The following WEE2 variants were observed in gnomAD, a reference collection of about 807,000 sequenced individuals.
WEE2 encodes the protein wee1-like protein kinase 2.
Under a neutral mutation model 60.1 loss-of-function variants are expected in WEE2, and 50 were observed. The observed-to-expected ratio is 0.83, with a 90% CI of 0.66 to 1.05. WEE2 has a LOEUF of 1.05. WEE2 is among the 50% of genes least tolerant of loss of function. The pLI is 0.00. For missense variants in WEE2, 631 were observed against 684.3 expected (o/e 0.92, Z 0.87); for synonymous variants, 240 against 241.0 (o/e 1.00, Z 0.04).
chr7:141,710,368 T>G (rs756907299), intron 1 of WEE2, among the ~76,000 whole-genome samples: 1 of 152,178 alleles, frequency 6.6e-6, no homozygotes, highest in Non-Finnish European at 1.5e-5. Flanking sequence ...GAGAATGGGC[T>G]GAGAGAATGT....
intron 5 of WEE2, among the ~76,000 whole-genome samples, chr7:141,722,494 T>A (rs1443692592): frequency 6.6e-6 from 1 of 152,226 alleles, no homozygotes; most frequent in Admixed American, 6.5e-5. Flanking sequence ...ATTTAATTGA[T>A]AACAATAAAT....
chr7:141,726,516 G>A (rs1026737079), intron 9 of WEE2, among the ~76,000 whole-genome samples: 2 of 152,118 alleles, frequency 1.3e-5, no homozygotes, highest in Non-Finnish European at 2.9e-5. Context: ...CCTGAAAGGA[G>A]GCAAACTCTT....
At chr7:141,727,479 A>G in intron 10 of WEE2, 33 bp downstream of exon 10, 1 of 1,611,706 alleles carries the variant, frequency 6.2e-7, no homozygotes, top group South Asian at 1.1e-5. Context: ...GTCAAGAAAG[A>G]ATCTGAGCAC....
rs1798765182 is a variant in WEE2 at position 141,714,513 on chromosome 7, A to G, written c.539+108A>G. 10 of 854,916 alleles carry G rather than the reference A, an allele frequency of 1.2e-5. No homozygotes were observed. The Admixed American group carries it at 1.4e-4, about 12-fold the overall frequency. 53.0% of individuals were successfully genotyped at this position (854,916 alleles called of 1,614,324 possible). A position where few individuals can be genotyped will look rare whatever the true frequency, so the allele number is the denominator to read the frequency against. Reference sequence around the variant, plus strand: ...GGAACGAGAACTCTATTTGAATGAAATGTATATGCTTACATATTCTCCCCT... The same window carrying G: ...GGAACGAGAACTCTATTTGAATGAAGTGTATATGCTTACATATTCTCCCCT... On this transcript the variant is annotated intron_variant, in intron 2 of 11. Coordinates refer to ENST00000397541, the MANE Select transcript of WEE2 (RefSeq NM_001105558.1).
chr7:141,714,314 T>C lies in WEE2; in HGVS notation c.448T>C (p.Leu150=), dbSNP rs773095820. ...PAPLKDEMTS[L]ALVNINPFTP... ...TCCCCTCAAGGATGAGATGACCTCA[T>C]TGGCTCTGGTCAATATTAATCCCTT... is the stretch of plus-strand genomic sequence containing the variant. Residue 150 remains leucine, a synonymous_variant, in exon 2 of 12, where the codon TTG becomes CTG. Coordinates refer to ENST00000397541, the MANE Select transcript of WEE2 (RefSeq NM_001105558.1). 7 of 1,613,958 alleles carry C rather than the reference T, an allele frequency of 4.3e-6. No homozygotes were observed. Among genetic ancestry groups the C allele is most frequent in the South Asian group, 3.3e-5 (3 of 91,068 alleles).
chr7:141,717,735 A>G (rs1403924081), intron 3 of WEE2, among the ~76,000 whole-genome samples: 1 of 152,218 alleles, frequency 6.6e-6, no homozygotes, highest in East Asian at 1.9e-4. Flanking sequence ...GAGATTGTAT[A>G]TTAAGATAAT....
chr7:141,711,196 A>G lies in WEE2; in HGVS notation c.342+2096A>G, dbSNP rs935635047. ...TGGATAACTGGGTATGGGGCACAAG[A>G]AAACAATGAAAATTGGAAATCCGTA... On this transcript the variant is annotated intron_variant, in intron 1 of 11. Coordinates refer to ENST00000397541, the MANE Select transcript of WEE2 (RefSeq NM_001105558.1). This position sits in a 1 kb window ranked among gnomAD's most constrained non-coding sequence, Gnocchi z 4.2. Among the ~76,000 whole-genome samples the G allele has an allele frequency of 6.6e-6, 1 of 152,242 alleles. No homozygotes were observed. Among genetic ancestry groups the G allele is most frequent in the African/African-American group, 2.4e-5 (1 of 41,470 alleles).
intron 9 of WEE2, 175 bp from the exon 10 acceptor site, chr7:141,727,129 T>C: frequency 1.6e-6 from 1 of 631,302 alleles, no homozygotes; most frequent in South Asian, 2.4e-5. Flanking sequence ...CTACCAGACA[T>C]GGACAATCCT....
intron 6 of WEE2, 60 bp from the exon 7 acceptor site, chr7:141,723,881 C>A: frequency 4.4e-6 from 5 of 1,129,244 alleles, no homozygotes; most frequent in East Asian, 2.5e-5. Flanking sequence ...AGAAAAGAAT[C>A]TTTGAGAGGA....
Position 141,724,052 on chromosome 7 carries a change from A to G in WEE2, c.1135+4A>G. 1 of 1,606,864 alleles carries G rather than the reference A, an allele frequency of 6.2e-7. No homozygotes were observed. Among genetic ancestry groups the G allele is most frequent in the Non-Finnish European group, 8.5e-7 (1 of 1,174,528 alleles). ...GCCAATGTGATGTATAAAATTGGTT[A>G]GTCTGCCTTATAGCCTTACCAGTTA... On this transcript the variant is annotated splice_donor_region_variant and intron_variant, in intron 7 of 11. Transcript: ENST00000397541.
intron 5 of WEE2, among the ~76,000 whole-genome samples, chr7:141,721,490 C>T (rs946124428): frequency 3.5e-4 from 53 of 151,800 alleles, no homozygotes; most frequent in African/African-American, 1.3e-3. Context: ...TGGAGTTTTT[C>T]TCTTGTTGCC....
At chr7:141,725,510 A>G (rs1584746332) in intron 9 of WEE2, among the ~76,000 whole-genome samples, 1 of 151,894 alleles carries the variant, frequency 6.6e-6, no homozygotes, top group East Asian at 1.9e-4. Flanking sequence ...CTGTAGTCCC[A>G]GCTACTTGGG....
chr7:141,721,187 T>TA, intron 5 of WEE2, 131 bp downstream of exon 5: 22 of 1,052,412 alleles, frequency 2.1e-5, no homozygotes, highest in African/African-American at 3.2e-5. Flanking sequence ...GTACTATATA[T>TA]TATAGTCTTG....
At chr7:141,718,338 A>G (rs1779876884) in intron 3 of WEE2, among the ~76,000 whole-genome samples, 1 of 152,162 alleles carries the variant, frequency 6.6e-6, no homozygotes, top group Non-Finnish European at 1.5e-5. Context: ...CTATCCTAAG[A>G]TATATTACAA....
In WEE2 at chr7:141,719,248, A is replaced by T. The variant is rs1385182141; in HGVS notation, c.758+4A>T. The T allele has an allele frequency of 1.5e-5, 24 of 1,596,330 alleles. 1 individual carries two copies. Among genetic ancestry groups the T allele is most frequent in the Non-Finnish European group, 2.0e-5 (24 of 1,172,636 alleles). On this transcript the variant is annotated splice_donor_region_variant and intron_variant, in intron 4 of 11. Coordinates refer to ENST00000397541, the MANE Select transcript of WEE2 (RefSeq NM_001105558.1). ...CTTTTACAGAATTATCAAATGAGTG[A>T]GTACCTTTGAAATGCACTAAAAATA... is the stretch of plus-strand genomic sequence containing the variant.
rs148218136 is a variant in WEE2 at position 141,724,958 on chromosome 7, A to G, written c.1222-68A>G. 5.8e-4 allele frequency: 895 copies of G among 1,532,818 alleles called. 3 individuals carry two copies. In the Middle Eastern group the frequency reaches 0.012, roughly 21 times the overall value. 95.0% of individuals were successfully genotyped at this position (1,532,818 alleles called of 1,614,324 possible). A position where few individuals can be genotyped will look rare whatever the true frequency, so the allele number is the denominator to read the frequency against. On this transcript the variant is annotated intron_variant, in intron 8 of 11. Transcript: ENST00000397541. ...TGCACTCGAATGAACCTTTCCTACC[A>G]GTTATATTTTAATCTAGACTCACCC...
Position 141,729,565 on chromosome 7 carries a change from C to T in WEE2, c.1570C>T (p.Gln524Ter). The T allele has an allele frequency of 6.2e-7, 1 of 1,614,222 alleles. No individual in the cohort carries two copies. The highest frequency in any genetic ancestry group is 8.5e-7 in the Non-Finnish European group (1 of 1,180,046). Residue 524 changes from glutamine (Q) to a stop codon, truncating the protein, a stop_gained, in exon 11 of 12, where the codon CAG becomes TAG. Coordinates refer to ENST00000397541, the MANE Select transcript of WEE2 (RefSeq NM_001105558.1). LOFTEE classifies it high-confidence loss of function. Reference sequence around the variant, plus strand: ...AGAAGCCCAGCAGGCCCAGTCACCCCAGGGATATACCCATCATGGTGACAC... The same window carrying T: ...AGAAGCCCAGCAGGCCCAGTCACCCTAGGGATATACCCATCATGGTGACAC... ...LREAQQAQSP[Q>*]GYTHHGDTGV...
chr7:141,723,041 A>C, intron 5 of WEE2, 93 bp from the exon 6 acceptor site: 2 of 1,511,560 alleles, frequency 1.3e-6, no homozygotes, highest in Non-Finnish European at 1.8e-6. Flanking sequence ...TCCTGGAACT[A>C]ATACCCTGAA....
At position 141,708,883 on chromosome 7, in the gene WEE2, A is replaced by C. The variant is rs570355023; in HGVS notation, c.125A>C (p.Glu42Ala). ...ESREASSQTP[E>A]KGEVQDSEAK... ...AGGGAGGCTTCGAGCCAAACCCCAG[A>C]GAAGGGTGAAGTGCAGGATTCAGAG... The change falls in exon 1 of 12, where the codon GAG (glutamate) becomes GCG (alanine). Residue 42 changes from glutamate (E) to alanine (A), a missense_variant. Coordinates refer to ENST00000397541, the MANE Select transcript of WEE2 (RefSeq NM_001105558.1). The C allele has an allele frequency of 1.2e-4, 200 of 1,614,208 alleles. 3 individuals carry two copies. In the South Asian group the frequency reaches 2.1e-3, roughly 17 times the overall value.
Sources: gnomAD v4.1 joint callset for allele counts (sites outside exome capture counted in the v4.1 genomes callset) on GRCh38, gnomAD v4.1.1 for gene constraint, Gnocchi (gnomAD v3.1) non-coding constraint, MANE v1.5 for transcripts, NCBI Gene and HGNC (gene_info 2026-07-23, HGNC 2026-07-21) for gene names.